CCDC178: variants seen among roughly 807,000 people sequenced by gnomAD.
CCDC178 encodes the protein coiled-coil domain-containing protein 178.
Under a neutral mutation model 117.4 loss-of-function variants are expected in CCDC178, and 126 were observed. The ratio of observed to expected loss-of-function variants is 1.07; its 90% CI spans 0.93 to 1.24. The LOEUF is 1.24. Among genes scored for constraint, CCDC178 ranks in the 50% most tolerant of loss-of-function variants. The pLI is 0.00. For missense variants in CCDC178, 1,030 were observed against 986.9 expected, an observed-to-expected ratio of 1.04 and a Z score of -0.59; for synonymous variants, 283 against 313.4, an observed-to-expected ratio of 0.90 and a Z score of 1.02.
rs540568272 is a variant in CCDC178 at position 33,099,274 on chromosome 18, A to G, written c.2239-6364T>C. 1.3e-4 allele frequency among the ~76,000 whole-genome samples: 20 copies of G among 152,194 alleles called. No individual in the cohort carries two copies. In the South Asian group the frequency reaches 3.9e-3, roughly 30 times the overall value. ...CAGTTCCAAGCACCACTGTTTCAATAGTATATGATCCTGTGCACATGCCCA... is the reference window on the plus strand; with the variant it reads ...CAGTTCCAAGCACCACTGTTTCAATGGTATATGATCCTGTGCACATGCCCA... On this transcript the variant is annotated intron_variant, in intron 20 of 22. Transcript: ENST00000383096.
intron 21 of CCDC178, among the ~76,000 whole-genome samples, chr18:33,061,617 T>C (rs950861166): frequency 2.6e-5 from 4 of 152,172 alleles, no homozygotes; most frequent in Admixed American, 1.3e-4. Context: ...ATGGATTATA[T>C]GGAGACAAAG....
chr18:33,233,634 T>G (rs1360653988), intron 15 of CCDC178, among the ~76,000 whole-genome samples: 1 of 152,034 alleles, frequency 6.6e-6, no homozygotes, highest in African/African-American at 2.4e-5. Context: ...TAGGAGTATT[T>G]TTATGCTACT....
intron 20 of CCDC178, among the ~76,000 whole-genome samples, chr18:33,208,547 C>T (rs369064734): frequency 2.6e-5 from 4 of 152,010 alleles, no homozygotes; most frequent in African/African-American, 7.2e-5. Context: ...TATAGGGTTT[C>T]GGTCATTCAA....
intron 12 of CCDC178, among the ~76,000 whole-genome samples, chr18:33,277,225 C>T (rs1376778401): frequency 6.6e-6 from 1 of 151,960 alleles, no homozygotes; most frequent in Non-Finnish European, 1.5e-5. Context: ...TGATGAGTAA[C>T]ATAAATAATT....
intron 6 of CCDC178, among the ~76,000 whole-genome samples, chr18:33,366,033 C>T (rs1021273115): frequency 5.3e-5 from 8 of 152,034 alleles, no homozygotes; most frequent in African/African-American, 1.9e-4. Flanking sequence ...AGATGCGTTG[C>T]TGCTAACCAC....
chr18:33,304,068 A>G (rs917384506), intron 11 of CCDC178, among the ~76,000 whole-genome samples: 10 of 152,272 alleles, frequency 6.6e-5, no homozygotes, highest in African/African-American at 2.4e-4. Context: ...TTCCATGGCA[A>G]AAAAAAGAAG....
At chr18:33,323,048 T>A (rs377466492) in intron 11 of CCDC178, 2 of 151,516 alleles carry the variant, frequency 1.3e-5, no homozygotes, top group East Asian at 1.9e-4. Context: ...GCCAAAATAA[T>A]CTATATATTT....
chr18:32,944,103 T>C (rs1242834415), intron 22 of CCDC178, among the ~76,000 whole-genome samples: 1 of 152,134 alleles, frequency 6.6e-6, no homozygotes, highest in Non-Finnish European at 1.5e-5. Flanking sequence ...CTACCCCCAG[T>C]AAACCAGAGC....
intron 21 of CCDC178, among the ~76,000 whole-genome samples, chr18:33,090,496 A>C (rs1002843304): frequency 1.3e-5 from 2 of 152,234 alleles, no homozygotes; most frequent in African/African-American, 4.8e-5. Flanking sequence ...TAAAACCTGC[A>C]TACATGGGAA....
intron 18 of CCDC178, among the ~76,000 whole-genome samples, chr18:33,220,264 T>G (rs1334590713): frequency 6.6e-6 from 1 of 152,092 alleles, no homozygotes; most frequent in East Asian, 1.9e-4. Context: ...CACCGATTAC[T>G]GTACTATGCA....
chr18:32,978,551 A>G (rs910844946), intron 21 of CCDC178, among the ~76,000 whole-genome samples: 6 of 152,220 alleles, frequency 3.9e-5, no homozygotes, highest in African/African-American at 1.4e-4. Flanking sequence ...TGAACTGATA[A>G]AAGTTTACCT....
chr18:33,009,804 T>C (rs1170882446), intron 21 of CCDC178, among the ~76,000 whole-genome samples: 1 of 152,162 alleles, frequency 6.6e-6, no homozygotes, highest in Non-Finnish European at 1.5e-5. Context: ...TAAAGGATGG[T>C]GTCTCTGATC....
intron 22 of CCDC178, among the ~76,000 whole-genome samples, chr18:32,968,020 T>G (rs1158371934): frequency 6.6e-6 from 1 of 151,796 alleles, no homozygotes; most frequent in African/African-American, 2.4e-5. Flanking sequence ...AAAACCCCTC[T>G]TTTAGCTATT....
chr18:33,183,652 T>C lies in CCDC178; in HGVS notation c.2238+28244A>G, dbSNP rs568585132. Among the ~76,000 whole-genome samples, 9 of 152,120 alleles carry C rather than the reference T, an allele frequency of 5.9e-5. No homozygotes were observed. The East Asian group carries it at 1.5e-3, about 26-fold the overall frequency. On this transcript the variant is annotated intron_variant, in intron 20 of 22. Transcript: ENST00000383096. The stretch of plus-strand genomic sequence containing the variant: ...CTGAGGGGATCCAATTTACAACCCA[T>C]AGAGACAACTCACACAGCTCACTGA...
chr18:33,264,310 T>C (rs1224916103), intron 14 of CCDC178, among the ~76,000 whole-genome samples: 3 of 152,040 alleles, frequency 2.0e-5, no homozygotes, highest in Non-Finnish European at 4.4e-5. Context: ...ATATAAGAAC[T>C]ATTTTGATAT....
intron 2 of CCDC178, among the ~76,000 whole-genome samples, chr18:33,420,894 C>T (rs1232039790): frequency 1.3e-5 from 2 of 152,082 alleles, no homozygotes; most frequent in East Asian, 1.9e-4. Flanking sequence ...AAAAAATACA[C>T]TATAAATAAC....
chr18:33,061,350 A>G (rs148530457), intron 21 of CCDC178, among the ~76,000 whole-genome samples: 1 of 152,134 alleles, frequency 6.6e-6, no homozygotes, highest in Non-Finnish European at 1.5e-5. Flanking sequence ...AATAAAGAAA[A>G]GTAACCATAC....
chr18:33,168,332 G>A, intron 20 of CCDC178, among the ~76,000 whole-genome samples: 1 of 152,032 alleles, frequency 6.6e-6, no homozygotes, highest in East Asian at 1.9e-4. Context: ...ACCATTTGTT[G>A]AATAGAGAGT....
intron 22 of CCDC178, among the ~76,000 whole-genome samples, chr18:32,969,237 G>GAC (rs1351536393): frequency 6.6e-6 from 1 of 151,962 alleles, no homozygotes; most frequent in East Asian, 1.9e-4. Context: ...AGAAGGCACA[G>GAC]ACACACACAC....
Sources: allele counts gnomAD v4.1 joint callset (sites outside exome capture counted in the v4.1 genomes callset), GRCh38; gene constraint gnomAD v4.1.1; transcripts MANE v1.5; gene names NCBI Gene and HGNC (gene_info 2026-07-23, HGNC 2026-07-21).